The following CERS6 variants were observed in gnomAD, a reference collection of about 807,000 sequenced individuals.
The protein encoded by CERS6 is ceramide synthase 6.
A neutral mutation model predicts 56.8 loss-of-function variants in CERS6; 26 were observed. That is an observed-to-expected ratio of 0.46 (90% CI 0.34 to 0.63). The LOEUF (loss-of-function observed/expected upper bound fraction) is 0.63, where lower values mean the gene tolerates loss of function less well. Ranked by LOEUF, CERS6 falls within the 30% of genes least tolerant of loss-of-function variation. The pLI, the probability that CERS6 is intolerant of heterozygous loss-of-function variation, is 0.01. For synonymous variants in CERS6, 164 were observed against 173.3 expected, an observed-to-expected ratio of 0.95 and a Z score of 0.42; for missense variants, 415 against 467.5, an observed-to-expected ratio of 0.89 and a Z score of 1.04.
chr2:168,555,722 C>CTGTATG (rs1553491464), intron 2 of CERS6, among the ~76,000 whole-genome samples: 180 of 141,004 alleles, frequency 1.3e-3, no homozygotes, highest in African/African-American at 4.7e-3. Context: ...ATAATTGACT[C>CTGTATG]TGTGTGTGTG....
chr2:168,464,140 G>C (rs985029356), intron 1 of CERS6, among the ~76,000 whole-genome samples: 5 of 150,202 alleles, frequency 3.3e-5, no homozygotes, highest in African/African-American at 1.2e-4. Flanking sequence ...TGGTCTTATC[G>C]TGGTCTTTTT....
chr2:168,762,914 G>A (rs952291167), intron 8 of CERS6, among the ~76,000 whole-genome samples: 15 of 151,692 alleles, frequency 9.9e-5, no homozygotes, highest in African/African-American at 1.2e-4. Flanking sequence ...CACTCTTGTC[G>A]CCCAGGCTGG....
chr2:168,515,703 A>G (rs1475004229), intron 1 of CERS6, among the ~76,000 whole-genome samples: 1 of 152,214 alleles, frequency 6.6e-6, no homozygotes, highest in African/African-American at 2.4e-5. Context: ...GGTATTTTAG[A>G]AGTCAGGATC....
chr2:168,567,110 GTC>G (rs1237169493), intron 3 of CERS6, among the ~76,000 whole-genome samples: 1 of 152,220 alleles, frequency 6.6e-6, no homozygotes, highest in Non-Finnish European at 1.5e-5. Flanking sequence ...TTGGTGGACA[GTC>G]TCTAGTTCTT....
chr2:168,636,298 TAAC>T (rs982973260), intron 4 of CERS6, among the ~76,000 whole-genome samples: 6 of 152,236 alleles, frequency 3.9e-5, no homozygotes, highest in East Asian at 3.9e-4. Context: ...TTAAAAACAA[TAAC>T]AACAACAACA....
At chr2:168,467,100 A>G (rs1693894821) in intron 1 of CERS6, among the ~76,000 whole-genome samples, 1 of 151,874 alleles carries the variant, frequency 6.6e-6, no homozygotes, top group South Asian at 2.1e-4. Flanking sequence ...TCTTATTATT[A>G]CTGATACAGA....
chr2:168,743,182 A>ATGTG (rs969511942), intron 8 of CERS6, among the ~76,000 whole-genome samples: 234 of 148,910 alleles, frequency 1.6e-3, no homozygotes, highest in African/African-American at 5.7e-3. Flanking sequence ...GTGTGTGTGT[A>ATGTG]TGTGTGTGTG....
At chr2:168,631,566 T>A (rs1684725511) in intron 4 of CERS6, among the ~76,000 whole-genome samples, 1 of 119,794 alleles carries the variant, frequency 8.3e-6, no homozygotes, top group Non-Finnish European at 1.6e-5. Flanking sequence ...TATTTATATA[T>A]TAAATATAAT....
intron 1 of CERS6, among the ~76,000 whole-genome samples, chr2:168,458,571 G>A (rs1297772297): frequency 6.6e-6 from 1 of 152,160 alleles, no homozygotes; most frequent in Non-Finnish European, 1.5e-5. Context: ...GGGGTGAGCT[G>A]CTTTCAATTG....
intron 1 of CERS6, among the ~76,000 whole-genome samples, chr2:168,537,067 T>C (rs1449447090): frequency 6.6e-6 from 1 of 152,174 alleles, no homozygotes; most frequent in Non-Finnish European, 1.5e-5. Context: ...GCCACCTTTT[T>C]TCCACATGGG....
chr2:168,614,843 C>T (rs1684277343), intron 3 of CERS6, among the ~76,000 whole-genome samples: 1 of 152,124 alleles, frequency 6.6e-6, no homozygotes, highest in South Asian at 2.1e-4. Flanking sequence ...TCCCCATCCA[C>T]TGCCTGATGC....
At position 168,769,751 on chromosome 2, in the gene CERS6, C is replaced by T. The variant is rs931837192; in HGVS notation, c.*89C>T. On this transcript the variant is annotated 3_prime_UTR_variant, in exon 10 of 10. Coordinates refer to ENST00000305747, the MANE Select transcript of CERS6 (RefSeq NM_203463.3). ...GCAAATGCAGTTCCTTTCATAATAT[C>T]TCAGCACCAGAAACAAAAATTAAGA... is the stretch of plus-strand genomic sequence containing the variant. 5 of 1,373,564 alleles carry T rather than the reference C, an allele frequency of 3.6e-6. No homozygotes were observed. In the African/African-American group the frequency reaches 5.8e-5, roughly 16 times the overall value. The allele number at this position is 1,373,564 out of a possible 1,614,324, so 85.1% of individuals were successfully genotyped here.
chr2:168,626,717 T>C (rs1407877298), intron 3 of CERS6, among the ~76,000 whole-genome samples: 1 of 152,190 alleles, frequency 6.6e-6, no homozygotes, highest in Non-Finnish European at 1.5e-5. Context: ...AGTTTTTCCA[T>C]TTACCAGGCG....
chr2:168,612,959 A>G (rs1553499571), intron 3 of CERS6, among the ~76,000 whole-genome samples: 1 of 152,196 alleles, frequency 6.6e-6, no homozygotes, highest in Non-Finnish European at 1.5e-5. Context: ...GCACTCAGCT[A>G]ATGCCAGCCT....
intron 3 of CERS6, among the ~76,000 whole-genome samples, chr2:168,618,073 T>G (rs1684362414): frequency 6.6e-6 from 1 of 152,132 alleles, no homozygotes; most frequent in Admixed American, 6.5e-5. Context: ...CAGGAGTGGT[T>G]TAACATACAT....
At chr2:168,661,030 T>G in intron 4 of CERS6, among the ~76,000 whole-genome samples, 1 of 141,862 alleles carries the variant, frequency 7.0e-6, no homozygotes, top group African/African-American at 2.7e-5. Flanking sequence ...CTATCTGGAG[T>G]GGCAGCGGGG....
chr2:168,670,856 A>C (rs1685889513), intron 4 of CERS6, among the ~76,000 whole-genome samples: 1 of 151,948 alleles, frequency 6.6e-6, no homozygotes, highest in African/African-American at 2.4e-5. Context: ...CCTCCACTAG[A>C]AAATAAGTTC....
intron 3 of CERS6, among the ~76,000 whole-genome samples, chr2:168,604,000 T>G (rs185558415): frequency 6.2e-4 from 94 of 152,366 alleles, no homozygotes; most frequent in Non-Finnish European, 1.0e-3. Flanking sequence ...TTTGGTTTAC[T>G]TCTGCAGTGG....
intron 3 of CERS6, among the ~76,000 whole-genome samples, chr2:168,601,783 C>T (rs1683939004): frequency 6.6e-6 from 1 of 152,164 alleles, no homozygotes; most frequent in Non-Finnish European, 1.5e-5. Flanking sequence ...CTCCTGACAT[C>T]AGGTGATCCG....
Sources: allele counts gnomAD v4.1 joint callset (sites outside exome capture counted in the v4.1 genomes callset), GRCh38; gene constraint gnomAD v4.1.1; transcripts MANE v1.5; gene names NCBI Gene and HGNC (gene_info 2026-07-23, HGNC 2026-07-21).